The following ATP8A1 variants were observed in gnomAD, a reference collection of about 807,000 sequenced individuals.
ATP8A1 encodes the protein ATPase phospholipid transporting 8A1, also known as phospholipid-transporting ATPase IA.
In ATP8A1, 90 loss-of-function variants were observed where a neutral mutation model predicts 177.7. The observed-to-expected ratio is 0.51, with a 90% CI of 0.43 to 0.60. The LOEUF is 0.60. Ranked by LOEUF, ATP8A1 falls within the 20% of genes least tolerant of loss-of-function variation. The probability of loss-of-function intolerance (pLI) is 0.00; values close to 1 mark genes in which losing one functional copy is unlikely to be tolerated. For synonymous variants in ATP8A1, 493 were observed against 485.9 expected (o/e 1.01, Z -0.19); for missense variants, 1,072 against 1,392.8 (o/e 0.77, Z 3.67).
intron 22 of ATP8A1, 22 bp downstream of exon 22, chr4:42,522,138 A>T: frequency 6.3e-7 from 1 of 1,590,444 alleles, no homozygotes; most frequent in South Asian, 1.2e-5. Context: ...CCTCTGTATG[A>T]TCAACAGAAT....
intron 20 of ATP8A1, among the ~76,000 whole-genome samples, chr4:42,530,415 C>T (rs1028229118): frequency 2.6e-5 from 4 of 152,252 alleles, no homozygotes; most frequent in Non-Finnish European, 4.4e-5. Flanking sequence ...TTTGCCTATC[C>T]TGCACGCAGT....
At position 42,447,617 on chromosome 4, in the gene ATP8A1, G is replaced by A. The variant is rs4861196; in HGVS notation, c.2897-973C>T. Among the ~76,000 whole-genome samples, 299 of 152,132 alleles carry A rather than the reference G, an allele frequency of 2.0e-3. 1 individual carries two copies. The highest frequency in any genetic ancestry group is 7.1e-3 in the African/African-American group (294 of 41,508). ...TACCATTGAAAAATTAAAAATCCACGGTATATATAATACAGTGATGCATGC... is the reference window on the plus strand; with the variant it reads ...TACCATTGAAAAATTAAAAATCCACAGTATATATAATACAGTGATGCATGC... On this transcript the variant is annotated intron_variant, in intron 30 of 36. Transcript: ENST00000381668.
At chr4:42,442,738 A>G (rs1716764438) in intron 33 of ATP8A1, among the ~76,000 whole-genome samples, 1 of 152,216 alleles carries the variant, frequency 6.6e-6, no homozygotes, top group South Asian at 2.1e-4. Flanking sequence ...CTCAGGCAGT[A>G]CTTAGGGGCA....
At chr4:42,549,101 A>G in intron 18 of ATP8A1, 39 bp from the exon 19 acceptor site, 1 of 1,513,796 alleles carries the variant, frequency 6.6e-7, no homozygotes, top group South Asian at 1.2e-5. Context: ...TACAGTTGGA[A>G]AAGTCTTAAG....
At position 42,584,184 on chromosome 4, in the gene ATP8A1, A is replaced by G. The variant is rs576638512; in HGVS notation, c.722+2165T>C. Among the ~76,000 whole-genome samples, 4 of 152,298 alleles carry G rather than the reference A, an allele frequency of 2.6e-5. No homozygotes were observed. In the South Asian group the frequency reaches 8.3e-4, roughly 32 times the overall value. On this transcript the variant is annotated intron_variant, in intron 9 of 36. Coordinates refer to ENST00000381668, the MANE Select transcript of ATP8A1 (RefSeq NM_006095.2). ...TCAGGCTGCTGAGTTCAACTAGTAT[A>G]TTTAGCCAACATTTAGTTGGCCACT...
At chr4:42,465,198 A>C in intron 25 of ATP8A1, 122 bp from the exon 26 acceptor site, 1 of 859,926 alleles carries the variant, frequency 1.2e-6, no homozygotes, top group Non-Finnish European at 1.8e-6. Context: ...AAACCTTATG[A>C]TAAAGTTTTA....
intron 25 of ATP8A1, among the ~76,000 whole-genome samples, chr4:42,474,260 T>G (rs1720811376): frequency 6.6e-6 from 1 of 151,476 alleles, no homozygotes; most frequent in South Asian, 2.1e-4. Flanking sequence ...AGGAAAAGAG[T>G]GGCATGTGAG....
At chr4:42,557,307 AAGAT>A (rs1730339424) in intron 15 of ATP8A1, among the ~76,000 whole-genome samples, 1 of 152,208 alleles carries the variant, frequency 6.6e-6, no homozygotes, top group African/African-American at 2.4e-5. Flanking sequence ...ATCTAAGAAA[AAGAT>A]AGCATATATT....
chr4:42,463,707 A>C (rs1302324674), intron 27 of ATP8A1, among the ~76,000 whole-genome samples: 1 of 152,220 alleles, frequency 6.6e-6, no homozygotes, highest in Non-Finnish European at 1.5e-5. Context: ...TTCATTTTTA[A>C]AATGATGTTA....
intron 15 of ATP8A1, among the ~76,000 whole-genome samples, chr4:42,564,898 GA>G (rs995300617): frequency 1.3e-5 from 2 of 149,852 alleles, no homozygotes; most frequent in Non-Finnish European, 2.9e-5. Flanking sequence ...TTATAGGAGG[GA>G]CCTGGTGGGA....
chr4:42,588,304 C>A lies in ATP8A1; in HGVS notation c.550G>T (p.Glu184Ter). The change falls in exon 8 of 37, where the codon GAA (glutamate) becomes TAA (stop). Residue 184 changes from glutamate to a stop codon, truncating the protein, a stop_gained. Coordinates refer to ENST00000381668, the MANE Select transcript of ATP8A1 (RefSeq NM_006095.2). LOFTEE classifies it high-confidence loss of function. Reference protein sequence around the residue: ...SSEPQAMCYIETSNLDGETNL... With the variant: ...SSEPQAMCYI ...GTTTCACCATCTAAGTTGGATGTTT[C>A]AATGTAGCACATGGCTTGGGGCTCA... 6.2e-7 allele frequency: 1 copy of A among 1,613,798 alleles called. No individual in the cohort carries two copies. Among genetic ancestry groups the A allele is most frequent in the South Asian group, 1.1e-5 (1 of 91,022 alleles).
At chr4:42,594,332 CT>C in intron 6 of ATP8A1, 1 of 1,602,228 alleles carries the variant, frequency 6.2e-7, no homozygotes. Flanking sequence ...TACTCTTTGC[CT>C]TTTATTATAA....
At position 42,657,057 on chromosome 4, in the gene ATP8A1, C is replaced by T; in HGVS notation, c.-184G>A. On this transcript the variant is annotated 5_prime_UTR_variant, in exon 1 of 37. Transcript: ENST00000381668. ...CACGCCGACAGGAGGAGGAGAAAGG[C>T]AGCGGTGGCGGCGAAGGTGGCGGCG... 1 of 516,224 alleles carries T rather than the reference C, an allele frequency of 1.9e-6. No individual in the cohort carries two copies. Among genetic ancestry groups the T allele is most frequent in the East Asian group, 3.6e-5 (1 of 27,866 alleles). 32.0% of individuals were successfully genotyped at this position (516,224 alleles called of 1,614,324 possible). A position where few individuals can be genotyped will look rare whatever the true frequency, so the allele number is the denominator to read the frequency against.
intron 22 of ATP8A1, among the ~76,000 whole-genome samples, chr4:42,513,391 T>C (rs1725213676): frequency 6.6e-6 from 1 of 152,138 alleles, no homozygotes; most frequent in Admixed American, 6.5e-5. Context: ...CTTATGTGAG[T>C]ACAAAGGATA....
At chr4:42,430,929 T>C (rs974669950) in intron 33 of ATP8A1, among the ~76,000 whole-genome samples, 10 of 151,962 alleles carry the variant, frequency 6.6e-5, no homozygotes, top group African/African-American at 1.4e-4. Context: ...GACCACCCCA[T>C]TGAAAACAGC....
At chr4:42,589,082 C>A (rs77054058) in intron 7 of ATP8A1, among the ~76,000 whole-genome samples, 1 of 152,086 alleles carries the variant, frequency 6.6e-6, no homozygotes, top group Non-Finnish European at 1.5e-5. Context: ...TGGTGTGTGG[C>A]GGCTGGCCTA....
chr4:42,581,138 T>C (rs1489923135), intron 10 of ATP8A1, among the ~76,000 whole-genome samples: 1 of 151,784 alleles, frequency 6.6e-6, no homozygotes, highest in Non-Finnish European at 1.5e-5. Flanking sequence ...CCATTCTTTT[T>C]TTATTTTTTT....
chr4:42,589,297 C>T (rs1056735417), intron 7 of ATP8A1, among the ~76,000 whole-genome samples: 1 of 152,248 alleles, frequency 6.6e-6, no homozygotes, highest in East Asian at 1.9e-4. Context: ...ACTAATATCA[C>T]ATAAGTATTA....
chr4:42,558,408 T>C (rs1290055910), intron 15 of ATP8A1, among the ~76,000 whole-genome samples: 1 of 152,178 alleles, frequency 6.6e-6, no homozygotes, highest in Non-Finnish European at 1.5e-5. Context: ...GCAGGGAGTA[T>C]CACAGTTAAG....
Sources: gnomAD v4.1 joint callset for allele counts (sites outside exome capture counted in the v4.1 genomes callset) on GRCh38, gnomAD v4.1.1 for gene constraint, MANE v1.5 for transcripts, NCBI Gene and HGNC (gene_info 2026-07-23, HGNC 2026-07-21) for gene names.